Variants in ARL15 observed in about 807,000 individuals in gnomAD.
ARL15 encodes ADP-ribosylation factor-like protein 15.
Under a neutral mutation model 25.2 loss-of-function variants are expected in ARL15, and 19 were observed. The observed-to-expected ratio is 0.75, with a 90% confidence interval of 0.53 to 1.10. The LOEUF (loss-of-function observed/expected upper bound fraction) is 1.10. ARL15 is among the 50% of genes least tolerant of loss of function. The probability of loss-of-function intolerance (pLI) is 0.00; values close to 1 mark genes in which losing one functional copy is unlikely to be tolerated. For synonymous variants in ARL15, 94 were observed against 86.8 expected (o/e 1.08, Z -0.46); for missense variants, 220 against 246.0 (o/e 0.89, Z 0.71).
At chr5:54,229,116 T>C (rs1756600354) in intron 1 of ARL15, among the ~76,000 whole-genome samples, 1 of 152,154 alleles carries the variant, frequency 6.6e-6, no homozygotes, top group African/African-American at 2.4e-5. Context: ...TCATTAAACA[T>C]TCTCTGAGCT....
chr5:54,041,241 C>G (rs1200899754), intron 4 of ARL15, among the ~76,000 whole-genome samples: 1 of 152,126 alleles, frequency 6.6e-6, no homozygotes, highest in Non-Finnish European at 1.5e-5. Flanking sequence ...ATTGCTAAAA[C>G]AGAAGTAGTG....
chr5:54,070,100 G>C (rs1751372855), intron 4 of ARL15, among the ~76,000 whole-genome samples: 1 of 151,486 alleles, frequency 6.6e-6, no homozygotes. Flanking sequence ...TGTTATAAAA[G>C]TTGGTTTGGG....
chr5:54,158,308 G>A (rs1754300604), intron 2 of ARL15, among the ~76,000 whole-genome samples: 1 of 152,112 alleles, frequency 6.6e-6, no homozygotes, highest in Non-Finnish European at 1.5e-5. Flanking sequence ...TGGTGTCCTC[G>A]AACTAGACTG....
chr5:53,944,678 CCTA>C (rs2112096079), intron 4 of ARL15, among the ~76,000 whole-genome samples: 1 of 152,264 alleles, frequency 6.6e-6, no homozygotes, highest in South Asian at 2.1e-4. Context: ...TATTTTCTAT[CCTA>C]CTACCTTATC....
chr5:54,140,139 C>T (rs1346904714), intron 3 of ARL15, among the ~76,000 whole-genome samples: 1 of 151,910 alleles, frequency 6.6e-6, no homozygotes, highest in Non-Finnish European at 1.5e-5. Flanking sequence ...GACAACTAAG[C>T]GTCCAAGAAG....
At chr5:54,079,856 G>C (rs1340363472) in intron 4 of ARL15, among the ~76,000 whole-genome samples, 1 of 151,898 alleles carries the variant, frequency 6.6e-6, no homozygotes, top group East Asian at 1.9e-4. Flanking sequence ...TGTAATACCA[G>C]CCACTCAGGA....
At chr5:53,961,495 C>CAG (rs1747371044) in intron 4 of ARL15, among the ~76,000 whole-genome samples, 4 of 68,876 alleles carry the variant, frequency 5.8e-5, no homozygotes, top group Non-Finnish European at 8.4e-5. Flanking sequence ...GACTCTGTCT[C>CAG]AAAAAAAAAA....
At chr5:53,964,592 C>A (rs1247212939) in intron 4 of ARL15, among the ~76,000 whole-genome samples, 1 of 152,128 alleles carries the variant, frequency 6.6e-6, no homozygotes, top group African/African-American at 2.4e-5. Flanking sequence ...GATCTCCTGA[C>A]CTCGTGATCC....
intron 1 of ARL15, among the ~76,000 whole-genome samples, chr5:54,206,521 G>T (rs1755873311): frequency 6.6e-6 from 1 of 152,162 alleles, no homozygotes; most frequent in African/African-American, 2.4e-5. Flanking sequence ...AGCTGAGAGG[G>T]AAAGAAATCT....
intron 4 of ARL15, among the ~76,000 whole-genome samples, chr5:53,959,198 T>C (rs531736910): frequency 1.4e-3 from 214 of 152,302 alleles, no homozygotes; most frequent in Non-Finnish European, 2.4e-3. Flanking sequence ...TGGTAAAAAT[T>C]ATTACAATTT....
At chr5:54,226,938 C>T (rs1756536327) in intron 1 of ARL15, among the ~76,000 whole-genome samples, 1 of 151,764 alleles carries the variant, frequency 6.6e-6, no homozygotes, top group East Asian at 1.9e-4. Context: ...CTCATGAGAT[C>T]TGATGGTCTT....
chr5:53,931,641 A>G (rs1746197828), intron 4 of ARL15, among the ~76,000 whole-genome samples: 1 of 152,138 alleles, frequency 6.6e-6, no homozygotes, highest in Admixed American at 6.5e-5. Context: ...TTCTTCCACT[A>G]TTTACCATAG....
At chr5:54,079,460 A>G (rs997348354) in intron 4 of ARL15, among the ~76,000 whole-genome samples, 10 of 152,164 alleles carry the variant, frequency 6.6e-5, no homozygotes, top group Admixed American at 1.3e-4. Context: ...CAATGTCAAC[A>G]TTTTCTGAAA....
chr5:54,229,802 G>T (rs1756618668), intron 1 of ARL15, among the ~76,000 whole-genome samples: 1 of 152,138 alleles, frequency 6.6e-6, no homozygotes, highest in East Asian at 1.9e-4. Context: ...CTCCCTCTGG[G>T]ACATGGTCTC....
At chr5:54,102,966 T>C (rs1020093569) in intron 4 of ARL15, among the ~76,000 whole-genome samples, 31 of 152,198 alleles carry the variant, frequency 2.0e-4, no homozygotes, top group Non-Finnish European at 4.1e-4. Context: ...AGTTATTTTA[T>C]GGAGCTAGTT....
intron 4 of ARL15, among the ~76,000 whole-genome samples, chr5:53,908,843 G>A (rs1171014686): frequency 6.6e-6 from 1 of 152,196 alleles, no homozygotes; most frequent in Non-Finnish European, 1.5e-5. Context: ...AGAAGGGTGT[G>A]TAGGATATAT....
At chr5:53,903,226 C>G (rs561213303) in intron 4 of ARL15, among the ~76,000 whole-genome samples, 1 of 152,260 alleles carries the variant, frequency 6.6e-6, no homozygotes, top group African/African-American at 2.4e-5. Context: ...TTCCAAAAGC[C>G]ATTGACTGGG....
intron 3 of ARL15, among the ~76,000 whole-genome samples, chr5:54,151,686 ACAAACATATGTTTGTGTGTG>A (rs555870259): frequency 2.9e-4 from 44 of 152,190 alleles, no homozygotes; most frequent in Non-Finnish European, 5.7e-4. Flanking sequence ...ATATTCACAC[ACAAACATATGTTTGTGTGTG>A]CAAACATATA....
At chr5:54,289,687 A>C (rs892068484) in intron 1 of ARL15, among the ~76,000 whole-genome samples, 1 of 152,208 alleles carries the variant, frequency 6.6e-6, no homozygotes, top group African/African-American at 2.4e-5. Flanking sequence ...TATTTGTAGG[A>C]GCTTGGGCAA....
Sources: gnomAD v4.1 joint callset for allele counts (sites outside exome capture counted in the v4.1 genomes callset) on GRCh38, gnomAD v4.1.1 for gene constraint, MANE v1.5 for transcripts, NCBI Gene and HGNC (gene_info 2026-07-23, HGNC 2026-07-21) for gene names.